The following ATP2C2 variants were observed in gnomAD, a reference collection of about 807,000 sequenced individuals.
ATP2C2 encodes calcium-transporting ATPase type 2C member 2.
In ATP2C2, 171 loss-of-function variants were observed where a neutral mutation model predicts 110.8. The observed-to-expected ratio is 1.54, with a 90% CI of 1.36 to 1.75. ATP2C2 has a LOEUF of 1.75. Among genes scored for constraint, ATP2C2 ranks in the 40% most tolerant of loss-of-function variants. The pLI, the probability that ATP2C2 is intolerant of heterozygous loss-of-function variation, is 0.00. For synonymous variants in ATP2C2, 804 were observed against 508.4 expected (o/e 1.58, Z -7.82); for missense variants, 1,963 against 1,235.0 (o/e 1.59, Z -8.84).
At chr16:84,372,128 C>CTTGTCAGAGTGTGGGCT (rs1370365459) in intron 1 of ATP2C2, among the ~76,000 whole-genome samples, 1 of 152,090 alleles carries the variant, frequency 6.6e-6, no homozygotes, top group Non-Finnish European at 1.5e-5. Context: ...CGTACGGAGC[C>CTTGTCAGAGTGTGGGCT]TTGTCAGAGT....
rs148481265 is a variant in ATP2C2 at position 84,459,534 on chromosome 16, A to G, written c.2333+148A>G. Reference sequence around the variant, plus strand: ...TTCCCAGAAAACTGAAGTGTGTTGCACTGCAGTGAGACTGGGAGTAGAAGG... The same window carrying G: ...TTCCCAGAAAACTGAAGTGTGTTGCGCTGCAGTGAGACTGGGAGTAGAAGG... On this transcript the variant is annotated intron_variant, in intron 23 of 26. Transcript: ENST00000262429. 492 of 1,547,574 alleles carry G rather than the reference A, an allele frequency of 3.2e-4. 3 individuals are homozygous for G. In the African/African-American group the frequency reaches 5.9e-3, roughly 19 times the overall value.
In ATP2C2 at chr16:84,463,629, C is replaced by A. The variant is rs745800981; in HGVS notation, c.2738C>A (p.Thr913Asn). Residue 913 changes from threonine (T) to asparagine (N), a missense_variant, in exon 27 of 27, where the codon ACT (threonine) becomes AAT (asparagine). Transcript: ENST00000262429. ...CCCTTGGCAGATTTGCTGTTTTTAA[C>A]TGGATTGGCCTCATCCGTCTTCATT... Reference protein sequence around the residue: ...NLGALDLLFLTGLASSVFILS... With the variant: ...NLGALDLLFLNGLASSVFILS... 9 of 1,613,944 alleles carry A rather than the reference C, an allele frequency of 5.6e-6. No homozygotes were observed. Among genetic ancestry groups the A allele is most frequent in the Non-Finnish European group, 7.6e-6 (9 of 1,179,912 alleles).
At chr16:84,415,637 G>A in intron 7 of ATP2C2, 46 bp downstream of exon 7, 1 of 1,504,094 alleles carries the variant, frequency 6.6e-7, no homozygotes, top group Non-Finnish European at 9.1e-7. Context: ...GATGGAGCTG[G>A]TCAAGGAGCA....
intron 10 of ATP2C2, among the ~76,000 whole-genome samples, chr16:84,423,959 C>T (rs1248932297): frequency 6.6e-6 from 1 of 152,206 alleles, no homozygotes; most frequent in African/African-American, 2.4e-5. Context: ...GCCCCAGTCC[C>T]TTCTGGGGCT....
intron 2 of ATP2C2, among the ~76,000 whole-genome samples, chr16:84,401,812 G>A (rs1197060946): frequency 3.3e-5 from 5 of 152,100 alleles, no homozygotes; most frequent in Non-Finnish European, 7.4e-5. Flanking sequence ...TGGCTATTCT[G>A]GGTCTTTTGT....
Position 84,405,220 on chromosome 16 carries a change from T to C in ATP2C2, c.303T>C (p.Pro101=), listed in dbSNP as rs779765997. 3 of 1,613,970 alleles carry C rather than the reference T, an allele frequency of 1.9e-6. No individual in the cohort carries two copies. Among genetic ancestry groups the C allele is most frequent in the Non-Finnish European group, 2.5e-6 (3 of 1,179,894 alleles). ...AGTTTGTTGCTGACAACAGCGAACC[T>C]GTGTGGAAGAAATACCTGGATCAGG... The part of the protein sequence containing the change: ...WNEFVADNSE[P]VWKKYLDQFK... The change falls in exon 3 of 27, where the codon CCT becomes CCC. Residue 101 remains proline, a synonymous_variant. Transcript: ENST00000262429.
intron 4 of ATP2C2, 58 bp from the exon 5 acceptor site, chr16:84,410,510 C>A: frequency 6.3e-7 from 1 of 1,575,808 alleles, no homozygotes; most frequent in Non-Finnish European, 8.7e-7. Context: ...CCTGCCACGC[C>A]CTGTCCCCCC....
chr16:84,368,850 C>A, intron 1 of ATP2C2, 136 bp downstream of exon 1: 1 of 781,724 alleles, frequency 1.3e-6, no homozygotes. Context: ...TGGAAAGAAG[C>A]TGTCCTCACA....
At chr16:84,460,967 G>C (rs910731587) in intron 24 of ATP2C2, 166 bp downstream of exon 24, 5 of 1,022,476 alleles carry the variant, frequency 4.9e-6, no homozygotes, top group Non-Finnish European at 6.9e-6. Context: ...GAGGCAAAGG[G>C]ACTGGGTGAC....
In ATP2C2 at chr16:84,453,325, C is replaced by T; in HGVS notation, c.1934C>T (p.Ser645Phe). The T allele has an allele frequency of 1.2e-6, 2 of 1,614,148 alleles. No homozygotes were observed. Among genetic ancestry groups the T allele is most frequent in the Non-Finnish European group, 1.7e-6 (2 of 1,180,022 alleles). Reference protein sequence around the residue: ...GELADRVGKVSVFFRTSPKHK... With the variant: ...GELADRVGKVFVFFRTSPKHK... The stretch of plus-strand genomic sequence containing the variant: ...CTTCCCCGTCTCCGTGTCCAGGTGT[C>T]CGTGTTCTTCAGGACCAGCCCAAAG... The change falls in exon 20 of 27, where the codon TCC (serine) becomes TTC (phenylalanine). Residue 645 changes from serine to phenylalanine, a missense_variant. By Grantham distance (155) the Ser-to-Phe change is radical (BLOSUM62 -2). Transcript: ENST00000262429.
intron 10 of ATP2C2, among the ~76,000 whole-genome samples, chr16:84,425,055 C>G (rs566890911): frequency 6.6e-6 from 1 of 152,294 alleles, no homozygotes; most frequent in South Asian, 2.1e-4. Context: ...ACAAAACTAA[C>G]AGATACTGTG....
intron 16 of ATP2C2, among the ~76,000 whole-genome samples, chr16:84,447,028 T>C (rs1011782170): frequency 3.9e-5 from 6 of 152,054 alleles, no homozygotes; most frequent in Non-Finnish European, 7.4e-5. Context: ...CCACCCCGGG[T>C]GGACATTACA....
At chr16:84,377,889 C>G (rs1438806766) in intron 1 of ATP2C2, among the ~76,000 whole-genome samples, 5 of 152,208 alleles carry the variant, frequency 3.3e-5, no homozygotes. Context: ...CCTCTGCCGT[C>G]TGCCCCAAGT....
intron 19 of ATP2C2, 23 bp from the exon 20 acceptor site, chr16:84,453,298 G>A (rs757719570): frequency 1.5e-5 from 25 of 1,614,122 alleles, no homozygotes; most frequent in African/African-American, 2.7e-5. Context: ...CTGATTCTTC[G>A]TCTTCCCCGT....
chr16:84,462,103 T>G lies in ATP2C2; in HGVS notation c.2696T>G (p.Phe899Cys), dbSNP rs1175563759. 8 of 1,613,728 alleles carry G rather than the reference T, an allele frequency of 5.0e-6. No individual in the cohort carries two copies. The highest frequency in any genetic ancestry group is 2.7e-5 in the African/African-American group (2 of 74,914). The change falls in exon 26 of 27, where the codon TTC becomes TGC. Residue 899 changes from phenylalanine to cysteine, a missense_variant. Physicochemically the swap from Phe to Cys is radical, Grantham distance 205. Transcript: ENST00000262429. Reference sequence around the variant, plus strand: ...TACATCCCCCCGCTGCAGAGGGTCTTCCAGACGGAGAACCTGGGAGCGCTT... The same window carrying G: ...TACATCCCCCCGCTGCAGAGGGTCTGCCAGACGGAGAACCTGGGAGCGCTT... Reference protein sequence around the residue: ...VIYIPPLQRVFQTENLGALDL... With the variant: ...VIYIPPLQRVCQTENLGALDL...
chr16:84,402,426 A>T (rs903977489), intron 2 of ATP2C2, among the ~76,000 whole-genome samples: 5 of 152,206 alleles, frequency 3.3e-5, no homozygotes, highest in Non-Finnish European at 7.3e-5. Context: ...TCAATATGAC[A>T]CTAGCCCTGG....
intron 6 of ATP2C2, among the ~76,000 whole-genome samples, chr16:84,414,316 C>T (rs148286672): frequency 1.3e-5 from 2 of 152,220 alleles, no homozygotes; most frequent in Non-Finnish European, 2.9e-5. Flanking sequence ...AGGAGAGCAC[C>T]CAGGGCGTGG....
At chr16:84,385,390 C>G (rs1307310731) in intron 1 of ATP2C2, among the ~76,000 whole-genome samples, 2 of 152,180 alleles carry the variant, frequency 1.3e-5, no homozygotes, top group East Asian at 3.9e-4. Context: ...CCAGGCCCAC[C>G]TCCAACATTA....
intron 9 of ATP2C2, 49 bp downstream of exon 9, chr16:84,422,746 A>G (rs1308779426): frequency 5.2e-6 from 8 of 1,551,458 alleles, no homozygotes; most frequent in South Asian, 4.8e-5. Context: ...GGAGTTTGAG[A>G]TTATTATAGG....
Sources: allele counts gnomAD v4.1 joint callset (sites outside exome capture counted in the v4.1 genomes callset), GRCh38; gene constraint gnomAD v4.1.1; transcripts MANE v1.5; gene names NCBI Gene and HGNC (gene_info 2026-07-23, HGNC 2026-07-21).